Variants in MAPK10 observed in about 807,000 individuals in gnomAD.
The protein encoded by MAPK10 is JNK3 alpha protein kinase.
A neutral mutation model predicts 59.3 loss-of-function variants in MAPK10; 25 were observed. That is an observed-to-expected ratio of 0.42 (90% CI 0.31 to 0.59). MAPK10 has a LOEUF of 0.59. Among genes scored for constraint, MAPK10 ranks in the 20% least tolerant of loss-of-function variants. The pLI is 0.15. For missense variants in MAPK10, 351 were observed against 568.9 expected (o/e 0.62, Z 3.90); for synonymous variants, 190 against 200.5 (o/e 0.95, Z 0.44).
chr4:86,194,334 A>G lies in MAPK10; in HGVS notation c.66+2T>C, dbSNP rs1289204074. Reference sequence around the variant, plus strand: ...CTTGTTTTACCTGTAAGGAACACACACCTGACAAAAGGCAATTTTCACATC... The same window carrying G: ...CTTGTTTTACCTGTAAGGAACACACGCCTGACAAAAGGCAATTTTCACATC... On this transcript the variant is annotated splice_donor_variant, in intron 3 of 13. Transcript: ENST00000641462. LOFTEE classifies it high-confidence loss of function. 3 of 1,612,228 alleles carry G rather than the reference A, an allele frequency of 1.9e-6. No individual in the cohort carries two copies. The highest frequency in any genetic ancestry group is 2.5e-6 in the Non-Finnish European group (3 of 1,178,282).
intron 2 of MAPK10, among the ~76,000 whole-genome samples, chr4:86,300,033 C>G (rs1284551658): frequency 6.6e-6 from 1 of 151,958 alleles, no homozygotes; most frequent in African/African-American, 2.4e-5. Flanking sequence ...GCTGGGTTTG[C>G]AGGTGTGCAC....
At chr4:86,341,732 A>C (rs958298683) in intron 2 of MAPK10, among the ~76,000 whole-genome samples, 4 of 152,090 alleles carry the variant, frequency 2.6e-5, no homozygotes, top group Non-Finnish European at 4.4e-5. Context: ...ACTAGAAGAC[A>C]AATAATTAAT....
intron 8 of MAPK10, chr4:86,099,984 T>C (rs959921665): frequency 6.6e-6 from 1 of 152,156 alleles, no homozygotes; most frequent in Non-Finnish European, 1.5e-5. Context: ...TCTGTATAAA[T>C]GCATACATAC....
At chr4:86,019,567 T>A (rs1380139425) in intron 13 of MAPK10, among the ~76,000 whole-genome samples, 1 of 152,204 alleles carries the variant, frequency 6.6e-6, no homozygotes, top group Non-Finnish European at 1.5e-5. Flanking sequence ...AGACAGCCCT[T>A]GGTTCCTTTA....
At chr4:86,358,415 G>T in intron 1 of MAPK10, 1 of 975,354 alleles carries the variant, frequency 1.0e-6, no homozygotes, top group Non-Finnish European at 1.2e-6. Context: ...TATCCCATAT[G>T]ACTTAGCCTG....
intron 2 of MAPK10, among the ~76,000 whole-genome samples, chr4:86,209,659 T>C (rs1352820866): frequency 1.3e-5 from 2 of 152,170 alleles, no homozygotes; most frequent in South Asian, 2.1e-4. Flanking sequence ...TCAATGTTTA[T>C]GTATTGGAGG....
intron 11 of MAPK10, among the ~76,000 whole-genome samples, chr4:86,039,896 G>T (rs1475788378): frequency 2.0e-5 from 3 of 152,112 alleles, no homozygotes; most frequent in African/African-American, 7.2e-5. Context: ...CCACCCACCT[G>T]CTGACCCAGG....
At chr4:86,490,874 G>T (rs905846483) in intron 1 of MAPK10, among the ~76,000 whole-genome samples, 1 of 152,234 alleles carries the variant, frequency 6.6e-6, no homozygotes, top group Non-Finnish European at 1.5e-5. Context: ...AAGAAGGAAA[G>T]CAAGGATGAT....
chr4:86,175,637 C>T (rs996083196), intron 3 of MAPK10, among the ~76,000 whole-genome samples: 3 of 152,122 alleles, frequency 2.0e-5, no homozygotes, highest in African/African-American at 7.2e-5. Context: ...TCCCCTGCAC[C>T]TTCCACCATG....
intron 1 of MAPK10, among the ~76,000 whole-genome samples, chr4:86,479,541 A>T (rs1753411748): frequency 6.6e-6 from 1 of 151,090 alleles, no homozygotes; most frequent in African/African-American, 2.4e-5. Flanking sequence ...CACCATTCTC[A>T]ACTACTCATA....
intron 11 of MAPK10, among the ~76,000 whole-genome samples, chr4:86,052,040 A>G (rs1390831727): frequency 6.6e-6 from 1 of 152,168 alleles, no homozygotes; most frequent in Non-Finnish European, 1.5e-5. Context: ...AAAAAAAAAT[A>G]CCATTTTAAA....
intron 2 of MAPK10, among the ~76,000 whole-genome samples, chr4:86,250,474 C>G (rs955278037): frequency 7.2e-5 from 11 of 152,088 alleles, no homozygotes; most frequent in African/African-American, 2.7e-4. Flanking sequence ...CTGAACTATG[C>G]TTTTGCTGTT....
intron 12 of MAPK10, 156 bp from the exon 13 acceptor site, chr4:86,029,430 C>A (rs758582972): frequency 1.0e-4 from 60 of 596,110 alleles, no homozygotes; most frequent in Non-Finnish European, 1.5e-4. Context: ...TTCTATATTG[C>A]CTTGTAATTA....
rs539330967 is a variant in MAPK10 at position 86,224,523 on chromosome 4, T to C, written c.-6-30116A>G. 1.7e-3 allele frequency among the ~76,000 whole-genome samples: 255 copies of C among 152,164 alleles called. 2 individuals are homozygous for C. The highest frequency in any genetic ancestry group is 6.0e-3 in the African/African-American group (247 of 41,498). ...CATAGAGAATGTGAGAGACTGAAAA[T>C]CAGAGCAACCATTGAAGAGCTTCGG... On this transcript the variant is annotated intron_variant, in intron 2 of 13. Coordinates refer to ENST00000641462, the MANE Select transcript of MAPK10 (RefSeq NM_138982.4).
chr4:86,541,236 C>T (rs1348779039), intron 1 of MAPK10, among the ~76,000 whole-genome samples: 1 of 152,038 alleles, frequency 6.6e-6, no homozygotes, highest in East Asian at 1.9e-4. Flanking sequence ...TTGGGAGGTC[C>T]CACACTAAAG....
intron 2 of MAPK10, among the ~76,000 whole-genome samples, chr4:86,334,578 T>G (rs1719917741): frequency 6.6e-6 from 1 of 152,072 alleles, no homozygotes; most frequent in African/African-American, 2.4e-5. Flanking sequence ...AACTTTCATC[T>G]CTTCAAATCT....
At chr4:86,259,958 G>A (rs745930658) in intron 2 of MAPK10, among the ~76,000 whole-genome samples, 11 of 152,046 alleles carry the variant, frequency 7.2e-5, no homozygotes, top group Non-Finnish European at 1.6e-4. Context: ...GGAGTTTGGT[G>A]AAAATAATAC....
intron 4 of MAPK10, among the ~76,000 whole-genome samples, chr4:86,142,173 G>A (rs971763403): frequency 1.3e-5 from 2 of 151,980 alleles, no homozygotes; most frequent in Non-Finnish European, 2.9e-5. Flanking sequence ...CACACACCAG[G>A]GATCAAATTT....
chr4:86,566,336 A>C (rs903327985), intron 1 of MAPK10, among the ~76,000 whole-genome samples: 2 of 152,324 alleles, frequency 1.3e-5, no homozygotes, highest in Non-Finnish European at 1.5e-5. Flanking sequence ...CTAAGATGGA[A>C]TCTCTTAGGA....
Sources: gnomAD v4.1 joint callset for allele counts (sites outside exome capture counted in the v4.1 genomes callset) on GRCh38, gnomAD v4.1.1 for gene constraint, MANE v1.5 for transcripts, NCBI Gene and HGNC (gene_info 2026-07-23, HGNC 2026-07-21) for gene names.